Variants in ANKFY1 observed in about 807,000 individuals in gnomAD.
ANKFY1 encodes ankyrin repeat and FYVE domain containing 1, also known as ankyrin repeat and FYVE domain-containing protein 1.
In ANKFY1, 47 loss-of-function variants were observed where a neutral mutation model predicts 128.3. The observed-to-expected ratio is 0.37, with a 90% CI of 0.29 to 0.47. The LOEUF (loss-of-function observed/expected upper bound fraction) is 0.47. ANKFY1 is among the 20% of genes least tolerant of loss of function. The pLI is 1.00. For missense variants in ANKFY1, 1,222 were observed against 1,510.6 expected (o/e 0.81, Z 3.17); for synonymous variants, 553 against 601.6 (o/e 0.92, Z 1.18).
intron 12 of ANKFY1, 123 bp from the exon 13 acceptor site, chr17:4,184,033 G>A: frequency 1.3e-6 from 1 of 767,112 alleles, no homozygotes; most frequent in East Asian, 2.6e-5. Flanking sequence ...TATAAAAAGA[G>A]AGTAGATAAA....
At chr17:4,223,023 C>T in intron 3 of ANKFY1, 2 of 785,300 alleles carry the variant, frequency 2.5e-6, no homozygotes, top group Non-Finnish European at 4.5e-6. Flanking sequence ...CAGGATAACT[C>T]TAATAAAAGA....
Position 4,182,253 on chromosome 17 carries a change from C to T in ANKFY1, c.2049G>A (p.Val683=), listed in dbSNP as rs762717434. 2.5e-6 allele frequency: 4 copies of T among 1,592,710 alleles called. No homozygotes were observed. In the Admixed American group the frequency reaches 5.2e-5, roughly 21 times the overall value. Reference sequence around the variant, plus strand: ...GCGGGGGGTTCCCCTTCTCATCTGGCACAGACATGTCAGCTCCTCGGGTGC... The same window carrying T: ...GCGGGGGGTTCCCCTTCTCATCTGGTACAGACATGTCAGCTCCTCGGGTGC... ...AICTRGADMS[V]PDEKGNPPLW... The change falls in exon 15 of 25, where the codon GTG becomes GTA. Residue 683 remains valine, a synonymous_variant. Coordinates refer to ENST00000341657, the MANE Select transcript of ANKFY1 (RefSeq NM_001330063.2).
intron 8 of ANKFY1, among the ~76,000 whole-genome samples, chr17:4,195,674 C>CAAG (rs2059805184): frequency 6.6e-6 from 1 of 152,120 alleles, no homozygotes; most frequent in South Asian, 2.1e-4. Context: ...CCAAAATGGA[C>CAAG]AAGAATCAGC....
At chr17:4,222,669 T>A in intron 3 of ANKFY1, 1 of 879,458 alleles carries the variant, frequency 1.1e-6, no homozygotes, top group South Asian at 1.3e-5. Flanking sequence ...GCACCAAAAA[T>A]GGCCCTGACA....
chr17:4,244,863 A>T lies in ANKFY1; in HGVS notation c.11-2415T>A, dbSNP rs1160102191. Among the ~76,000 whole-genome samples, 3 of 152,010 alleles carry T rather than the reference A, an allele frequency of 2.0e-5. No homozygotes were observed. The East Asian group carries it at 5.8e-4, about 29-fold the overall frequency. ...CCTGGGTCCTGCTAGTCAGCATACG[A>T]GCCAGTTTAAGTCTCTTATCTATTA... is the stretch of plus-strand genomic sequence containing the variant. On this transcript the variant is annotated intron_variant, in intron 1 of 24. Transcript: ENST00000341657.
In ANKFY1 at chr17:4,252,933, G is replaced by A. The variant is rs925370747; in HGVS notation, c.11-10485C>T. Among the ~76,000 whole-genome samples the A allele has an allele frequency of 2.6e-5, 4 of 152,060 alleles. No homozygotes were observed. The East Asian group carries it at 5.8e-4, about 22-fold the overall frequency. On this transcript the variant is annotated intron_variant, in intron 1 of 24. Coordinates refer to ENST00000341657, the MANE Select transcript of ANKFY1 (RefSeq NM_001330063.2). ...CAATATGCTACGTGAAAGGAGCCAG[G>A]CAAAAAAGACTACATACTGTATGAC...
chr17:4,201,405 G>C (rs115014745), intron 7 of ANKFY1, among the ~76,000 whole-genome samples: 2,597 of 151,790 alleles, frequency 0.017, 72 homozygotes, highest in African/African-American at 0.06. Context: ...AGAGAATGTG[G>C]GCTCTGGCAC....
rs201900843 is a variant in ANKFY1, at chr17:4,185,018, C to T, written c.1499G>A (p.Arg500Gln). The change falls in exon 12 of 25, where the codon CGG (arginine) becomes CAG (glutamine). Residue 500 changes from arginine to glutamine, a missense_variant. Transcript: ENST00000341657. ...WGETPLHTACRHGLANLTAEL... is the reference protein window; with the variant it reads ...WGETPLHTACQHGLANLTAEL... ...TGCCGTGAGGTTGGCCAGGCCATGC[C>T]GACACGCTGTGTGCAACGGGGTTTC... The T allele has an allele frequency of 3.7e-5, 59 of 1,613,478 alleles. No individual in the cohort carries two copies. The highest frequency in any genetic ancestry group is 4.7e-5 in the Non-Finnish European group (55 of 1,180,034).
chr17:4,263,829 C>T, intron 1 of ANKFY1, 103 bp downstream of exon 1: 1 of 1,610,506 alleles, frequency 6.2e-7, no homozygotes, highest in East Asian at 2.2e-5. Context: ...GCGGAGCCCC[C>T]ATGCAACCAC....
intron 11 of ANKFY1, chr17:4,188,846 A>G (rs2059657006): frequency 6.8e-6 from 1 of 147,008 alleles, no homozygotes; most frequent in Non-Finnish European, 1.5e-5. Flanking sequence ...ACCCTGGGCA[A>G]CAAGAGCAAA....
At chr17:4,224,413 G>A (rs904391890) in intron 3 of ANKFY1, among the ~76,000 whole-genome samples, 5 of 151,426 alleles carry the variant, frequency 3.3e-5, no homozygotes, top group South Asian at 2.1e-4. Flanking sequence ...TAGTAGAGAC[G>A]GGGTTTCACT....
chr17:4,256,932 A>G (rs1260843352), intron 1 of ANKFY1, among the ~76,000 whole-genome samples: 1 of 152,170 alleles, frequency 6.6e-6, no homozygotes, highest in Admixed American at 6.5e-5. Flanking sequence ...TTCATAAGAG[A>G]TGCATAACAA....
At chr17:4,194,235 G>T (rs1279176619) in intron 10 of ANKFY1, among the ~76,000 whole-genome samples, 1 of 150,306 alleles carries the variant, frequency 6.7e-6, no homozygotes, top group African/African-American at 2.4e-5. Context: ...TTCCTGAGTA[G>T]CTGGGATGAC....
chr17:4,263,384 G>A (rs994239347), intron 1 of ANKFY1, among the ~76,000 whole-genome samples: 4 of 152,166 alleles, frequency 2.6e-5, no homozygotes, highest in African/African-American at 9.7e-5. Context: ...TGTACGCCTG[G>A]CCTGAAGGCT....
At chr17:4,176,286 C>T (rs549164465) in intron 19 of ANKFY1, among the ~76,000 whole-genome samples, 2 of 152,312 alleles carry the variant, frequency 1.3e-5, no homozygotes, top group African/African-American at 4.8e-5. Flanking sequence ...GACACCAAGG[C>T]GCCAAAGGCT....
chr17:4,219,208 T>C (rs1245187891), intron 3 of ANKFY1, among the ~76,000 whole-genome samples: 1 of 152,222 alleles, frequency 6.6e-6, no homozygotes, highest in Non-Finnish European at 1.5e-5. Context: ...ATGAGAATCA[T>C]AGTATAAAAT....
chr17:4,193,576 G>A (rs1029974769), intron 10 of ANKFY1, among the ~76,000 whole-genome samples: 3 of 151,092 alleles, frequency 2.0e-5, no homozygotes, highest in Non-Finnish European at 4.4e-5. Context: ...TACAGGCATC[G>A]CCATCACGCC....
At chr17:4,193,068 G>A (rs1378091615) in intron 10 of ANKFY1, among the ~76,000 whole-genome samples, 1 of 152,106 alleles carries the variant, frequency 6.6e-6, no homozygotes, top group African/African-American at 2.4e-5. Context: ...ATACCTCTCA[G>A]AAACTGACAG....
intron 2 of ANKFY1, among the ~76,000 whole-genome samples, chr17:4,238,911 G>A (rs898835770): frequency 5.9e-5 from 9 of 151,978 alleles, no homozygotes; most frequent in East Asian, 5.8e-4. Context: ...GGCATGTGCC[G>A]CTACGCCCAG....
Sources: allele counts gnomAD v4.1 joint callset (sites outside exome capture counted in the v4.1 genomes callset), GRCh38; gene constraint gnomAD v4.1.1; transcripts MANE v1.5; gene names NCBI Gene and HGNC (gene_info 2026-07-23, HGNC 2026-07-21).